Variants in NOCT observed in about 807,000 individuals in gnomAD.
The protein encoded by NOCT is nocturnin.
NOCT carries 18 observed loss-of-function variants against 35.0 expected under a neutral mutation model. That is an observed-to-expected ratio of 0.51 (90% CI 0.36 to 0.76). The LOEUF (loss-of-function observed/expected upper bound fraction) is 0.76. Among genes scored for constraint, NOCT ranks in the 30% least tolerant of loss-of-function variants. The probability of loss-of-function intolerance (pLI) is 0.01; values close to 1 mark genes in which losing one functional copy is unlikely to be tolerated. For synonymous variants in NOCT, 235 were observed against 226.3 expected, an observed-to-expected ratio of 1.04 and a Z score of -0.34; for missense variants, 479 against 541.0, an observed-to-expected ratio of 0.89 and a Z score of 1.14.
In NOCT at chr4:139,044,864, A is replaced by G. The variant is rs965732874; in HGVS notation, c.686A>G (p.His229Arg). The G allele has an allele frequency of 5.0e-6, 8 of 1,614,088 alleles. No individual in the cohort carries two copies. The highest frequency in any genetic ancestry group is 6.8e-6 in the Non-Finnish European group (8 of 1,180,034). The change falls in exon 3 of 3, where the codon CAC becomes CGC. Residue 229 changes from histidine (H) to arginine (R), a missense_variant. Physicochemically the swap from His to Arg is conservative, Grantham distance 29 (BLOSUM62 0). Transcript: ENST00000280614. ...KPWSPCLDVE[H>R]NNGPDGCALF... ...TGGTCACCTTGTCTAGATGTAGAAC[A>G]CAACAATGGACCAGATGGTTGTGCC... is the stretch of plus-strand genomic sequence containing the variant.
chr4:139,034,977 A>T (rs1265810289), intron 1 of NOCT, among the ~76,000 whole-genome samples: 3 of 152,104 alleles, frequency 2.0e-5, no homozygotes, highest in Admixed American at 6.6e-5. Context: ...GTGCATTAAC[A>T]TCTCCCAATG....
At chr4:139,037,996 G>C (rs1468874741) in intron 1 of NOCT, among the ~76,000 whole-genome samples, 1 of 151,878 alleles carries the variant, frequency 6.6e-6, no homozygotes, top group African/African-American at 2.4e-5. Flanking sequence ...GAGGTCAGGT[G>C]TTTGTGACCA....
chr4:139,042,497 G>C (rs1726850220), intron 1 of NOCT, among the ~76,000 whole-genome samples: 1 of 152,156 alleles, frequency 6.6e-6, no homozygotes, highest in South Asian at 2.1e-4. Flanking sequence ...CAAGATCAAA[G>C]TATTTCTTCC....
intron 1 of NOCT, among the ~76,000 whole-genome samples, chr4:139,040,965 A>G (rs1163495718): frequency 6.6e-6 from 1 of 152,108 alleles, no homozygotes; most frequent in Non-Finnish European, 1.5e-5. Context: ...CCATGAAGAA[A>G]ATTTCTTCCT....
At chr4:139,038,249 T>C (rs1023948293) in intron 1 of NOCT, among the ~76,000 whole-genome samples, 1 of 151,960 alleles carries the variant, frequency 6.6e-6, no homozygotes, top group African/African-American at 2.4e-5. Flanking sequence ...TAAGCAGGTC[T>C]AGAGAGTTGT....
intron 1 of NOCT, among the ~76,000 whole-genome samples, chr4:139,028,743 C>T (rs1343414330): frequency 2.0e-5 from 3 of 152,188 alleles, no homozygotes; most frequent in African/African-American, 4.8e-5. Context: ...GAAAGCTGTG[C>T]AGATACCCAC....
At chr4:139,029,771 A>T (rs968915144) in intron 1 of NOCT, among the ~76,000 whole-genome samples, 1 of 152,176 alleles carries the variant, frequency 6.6e-6, no homozygotes, top group Admixed American at 6.5e-5. Flanking sequence ...CACATCATGC[A>T]AAATTTGAAG....
chr4:139,019,375 G>A (rs1353607391), intron 1 of NOCT, among the ~76,000 whole-genome samples: 1 of 152,162 alleles, frequency 6.6e-6, no homozygotes, highest in Non-Finnish European at 1.5e-5. Flanking sequence ...TTTTTAAAAT[G>A]CAGATTCTTG....
chr4:139,042,685 G>A (rs576367504), intron 1 of NOCT, among the ~76,000 whole-genome samples: 91 of 152,292 alleles, frequency 6.0e-4, no homozygotes, highest in African/African-American at 2.0e-3. Flanking sequence ...GGAGGCCGAG[G>A]CGGGCAGATC....
rs1220218127 is a variant in NOCT at position 139,045,679 on chromosome 4, G to T, written c.*205G>T. Reference sequence around the variant, plus strand: ...CAACAGGCGCCCGTCACCACGCCCAGCTAATTTTTTGTATTTTTAGTAGAG... The same window carrying T: ...CAACAGGCGCCCGTCACCACGCCCATCTAATTTTTTGTATTTTTAGTAGAG... On this transcript the variant is annotated 3_prime_UTR_variant, in exon 3 of 3. Coordinates refer to ENST00000280614, the MANE Select transcript of NOCT (RefSeq NM_012118.4). 1 of 456,244 alleles carries T rather than the reference G, an allele frequency of 2.2e-6. No homozygotes were observed. Among genetic ancestry groups the T allele is most frequent in the Non-Finnish European group, 3.8e-6 (1 of 260,844 alleles). The allele number at this position is 456,244 out of a possible 1,614,324, so 28.3% of individuals were successfully genotyped here. A position where few individuals can be genotyped will look rare whatever the true frequency, so the allele number is the denominator to read the frequency against.
At chr4:139,038,338 C>T (rs1726771698) in intron 1 of NOCT, among the ~76,000 whole-genome samples, 1 of 152,064 alleles carries the variant, frequency 6.6e-6, no homozygotes, top group Non-Finnish European at 1.5e-5. Context: ...GCAGTATATC[C>T]TGCATCTCAA....
At chr4:139,040,283 G>A (rs60014271) in intron 1 of NOCT, among the ~76,000 whole-genome samples, 30,254 of 149,538 alleles carry the variant, frequency 0.2, 3,991 homozygotes, top group East Asian at 0.49. Flanking sequence ...CTCATGATGC[G>A]CCCGCCTCGG....
At chr4:139,042,676 G>A (rs958278345) in intron 1 of NOCT, among the ~76,000 whole-genome samples, 1 of 152,136 alleles carries the variant, frequency 6.6e-6, no homozygotes, top group Admixed American at 6.5e-5. Flanking sequence ...AGCACTTTGG[G>A]AGGCCGAGGC....
chr4:139,031,596 G>C (rs1055955698), intron 1 of NOCT, among the ~76,000 whole-genome samples: 1 of 152,122 alleles, frequency 6.6e-6, no homozygotes, highest in African/African-American at 2.4e-5. Flanking sequence ...CCTTATGGTC[G>C]CATTCTTAGG....
At chr4:139,022,712 T>G (rs1726439061) in intron 1 of NOCT, among the ~76,000 whole-genome samples, 1 of 152,172 alleles carries the variant, frequency 6.6e-6, no homozygotes, top group African/African-American at 2.4e-5. Context: ...AGGAAAATAT[T>G]TATTTTATTT....
intron 1 of NOCT, among the ~76,000 whole-genome samples, chr4:139,029,630 T>TAAAAATAAAC (rs1409771957): frequency 1.3e-5 from 2 of 152,200 alleles, no homozygotes; most frequent in African/African-American, 2.4e-5. Flanking sequence ...TATTTTAAAT[T>TAAAAATAAAC]TAATATAAGA....
chr4:139,038,916 G>A (rs956282307), intron 1 of NOCT, among the ~76,000 whole-genome samples: 4 of 152,002 alleles, frequency 2.6e-5, no homozygotes, highest in Non-Finnish European at 5.9e-5. Flanking sequence ...TCTAGTTCTA[G>A]ATATGGCAAA....
intron 1 of NOCT, among the ~76,000 whole-genome samples, chr4:139,017,740 G>A (rs1273677126): frequency 2.0e-5 from 3 of 151,738 alleles, no homozygotes; most frequent in Non-Finnish European, 4.4e-5. Flanking sequence ...GTGTTGCAGT[G>A]AGCCGAGATC....
intron 1 of NOCT, among the ~76,000 whole-genome samples, chr4:139,034,985 A>G (rs1022180465): frequency 6.6e-6 from 1 of 152,012 alleles, no homozygotes; most frequent in African/African-American, 2.4e-5. Flanking sequence ...ACATCTCCCA[A>G]TGTTTGTTTC....
Sources: gnomAD v4.1 joint callset for allele counts (sites outside exome capture counted in the v4.1 genomes callset) on GRCh38, gnomAD v4.1.1 for gene constraint, MANE v1.5 for transcripts, NCBI Gene and HGNC (gene_info 2026-07-23, HGNC 2026-07-21) for gene names.